The following CEACAM5 variants were observed in gnomAD, a reference collection of about 807,000 sequenced individuals.
CEACAM5 encodes the protein cell adhesion molecule CEACAM5.
Under a neutral mutation model 63.0 loss-of-function variants are expected in CEACAM5, and 52 were observed. The ratio of observed to expected loss-of-function variants is 0.83; its 90% CI spans 0.66 to 1.04. CEACAM5 has a LOEUF of 1.04. Among genes scored for constraint, CEACAM5 ranks in the 50% least tolerant of loss-of-function variants. The pLI is 0.00. For missense variants in CEACAM5, 790 were observed against 864.8 expected (o/e 0.91, Z 1.08); for synonymous variants, 357 against 351.3 (o/e 1.02, Z -0.18).
chr19:41,720,944 T>A lies in CEACAM5; in HGVS notation c.1794T>A (p.Ile598=), dbSNP rs75582708. The change falls in exon 8 of 10, where the codon ATT becomes ATA. Residue 598 remains isoleucine, a synonymous_variant. Coordinates refer to ENST00000221992, the MANE Select transcript of CEACAM5 (RefSeq NM_004363.6). ...DVLYGPDTPI[I]SPPDSSYLSG... is the part of the protein sequence containing the mutation. The stretch of plus-strand genomic sequence containing the variant: ...CAGATGGGCCGGACACCCCCATCAT[T>A]TCCCCCCCAGACTCGTCTTACCTTT... 16 of 1,613,744 alleles carry A rather than the reference T, an allele frequency of 9.9e-6. No individual in the cohort carries two copies. Among genetic ancestry groups the A allele is most frequent in the Non-Finnish European group, 1.3e-5 (15 of 1,179,954 alleles).
rs1348179233 is a variant in CEACAM5 at position 41,730,092 on chromosome 19, T to C, written c.*945T>C. Among the ~76,000 whole-genome samples the C allele has an allele frequency of 6.6e-6, 1 of 152,184 alleles. No individual in the cohort carries two copies. Among genetic ancestry groups the C allele is most frequent in the African/African-American group, 2.4e-5 (1 of 41,436 alleles). On this transcript the variant is annotated 3_prime_UTR_variant, in exon 10 of 10. Coordinates refer to ENST00000221992, the MANE Select transcript of CEACAM5 (RefSeq NM_004363.6). ...AAACTTCTAAAAGTTTAATCTGAGA[T>C]TCCTTATAAAAACTTCCAGCAAAGC...
At chr19:41,726,092 A>T (rs782583076) in intron 8 of CEACAM5, among the ~76,000 whole-genome samples, 12 of 152,264 alleles carry the variant, frequency 7.9e-5, no homozygotes, top group Non-Finnish European at 1.0e-4. Flanking sequence ...TGTTTTAAAG[A>T]TTTAATGTAA....
rs888611670 is a variant in CEACAM5 at position 41,719,970 on chromosome 19, A to C, written c.1533A>C (p.Lys511Asn). 8.1e-6 allele frequency: 13 copies of C among 1,613,954 alleles called. No homozygotes were observed. In the African/African-American group the frequency reaches 1.5e-4, roughly 18 times the overall value. Residue 511 changes from lysine (K) to asparagine (N), a missense_variant, in exon 7 of 10, where the codon AAA (lysine) becomes AAC (asparagine). Transcript: ENST00000221992. ...PKPSISSNNS[K>N]PVEDKDAVAF... ...CCTCCATCTCCAGCAACAACTCCAA[A>C]CCCGTGGAGGACAAGGATGCTGTGG...
Position 41,717,792 on chromosome 19 carries a change from G to C in CEACAM5, c.1237+59G>C. On this transcript the variant is annotated intron_variant, in intron 5 of 9. Transcript: ENST00000221992. Reference sequence around the variant, plus strand: ...GCCAGCCCAAATCCACATAGCCAAAGTCCAGGCCTCTCAGTCCCTCTCAGG... The same window carrying C: ...GCCAGCCCAAATCCACATAGCCAAACTCCAGGCCTCTCAGTCCCTCTCAGG... 2.5e-6 allele frequency: 4 copies of C among 1,587,012 alleles called. 1 individual carries two copies. The South Asian group carries it at 4.6e-5, about 18-fold the overall frequency.
intron 9 of CEACAM5, among the ~76,000 whole-genome samples, chr19:41,728,152 A>G (rs2072724780): frequency 6.6e-6 from 1 of 152,260 alleles, no homozygotes; most frequent in African/African-American, 2.4e-5. Context: ...TGTTCATAAC[A>G]GATACAGAAA....
intron 8 of CEACAM5, among the ~76,000 whole-genome samples, chr19:41,722,096 T>C (rs1192311924): frequency 6.6e-6 from 1 of 152,052 alleles, no homozygotes; most frequent in Non-Finnish European, 1.5e-5. Context: ...TGAAACAGCA[T>C]AAATATCAAT....
intron 8 of CEACAM5, among the ~76,000 whole-genome samples, chr19:41,722,707 G>A (rs2072641978): frequency 6.6e-6 from 1 of 152,130 alleles, no homozygotes; most frequent in Non-Finnish European, 1.5e-5. Context: ...TCCATTGTAT[G>A]GATACACCTC....
At chr19:41,730,456 C>T (rs1211887351), downstream of CEACAM5, among the ~76,000 whole-genome samples, 4 of 150,860 alleles carry the variant, frequency 2.7e-5, no homozygotes, top group African/African-American at 9.8e-5. Flanking sequence ...AGTCACTACT[C>T]TTGCTGCAGT....
rs556201612 is a variant in CEACAM5, at chr19:41,720,952, C to A, written c.1802C>A (p.Pro601Gln). ...YGPDTPIISP[P>Q]DSSYLSGANL... is the part of the protein sequence containing the mutation. ...CCGGACACCCCCATCATTTCCCCCC[C>A]AGACTCGTCTTACCTTTCGGGAGCG... The change falls in exon 8 of 10, where the codon CCA (proline) becomes CAA (glutamine). Residue 601 changes from proline (P) to glutamine (Q), a missense_variant. Transcript: ENST00000221992. 80 of 1,614,006 alleles carry A rather than the reference C, an allele frequency of 5.0e-5. No homozygotes were observed. Among genetic ancestry groups the A allele is most frequent in the South Asian group, 8.8e-5 (8 of 91,078 alleles).
chr19:41,715,522 C>G, intron 3 of CEACAM5, 128 bp from the exon 4 acceptor site: 1 of 1,298,002 alleles, frequency 7.7e-7, no homozygotes, highest in Non-Finnish European at 1.1e-6. Context: ...TCAGTAGATA[C>G]AAGAGGGGTT....
At position 41,729,271 on chromosome 19, in the gene CEACAM5, T is replaced by C. The variant is rs2072741478; in HGVS notation, c.*124T>C. 6.6e-6 allele frequency: 1 copy of C among 152,124 alleles called. No homozygotes were observed. Among genetic ancestry groups the C allele is most frequent in the South Asian group, 2.1e-4 (1 of 4,828 alleles). 9.4% of individuals were successfully genotyped at this position (152,124 alleles called of 1,614,324 possible). ...CCAAGGATATTTACAGAAAAGACTC[T>C]GACCAGAGATCGAGACCATCCTAGC... On this transcript the variant is annotated 3_prime_UTR_variant, in exon 10 of 10. Transcript: ENST00000221992.
chr19:41,709,692 C>A lies in CEACAM5; in HGVS notation c.77C>A (p.Thr26Asn), dbSNP rs782259884. The A allele has an allele frequency of 6.8e-6, 11 of 1,613,576 alleles. No homozygotes were observed. The highest frequency in any genetic ancestry group is 7.6e-6 in the Non-Finnish European group (9 of 1,179,758). The part of the protein sequence containing the change: ...QRLLLTASLL[T>N]FWNPPTTAKL... ...TGCTCTCTCCTAGCCTCACTTCTAA[C>A]CTTCTGGAACCCGCCCACCACTGCC... is the stretch of plus-strand genomic sequence containing the variant. The change falls in exon 2 of 10, where the codon ACC (threonine) becomes AAC (asparagine). Residue 26 changes from threonine (T) to asparagine (N), a missense_variant. Transcript: ENST00000221992.
In CEACAM5 at chr19:41,727,033, A is replaced by G. The variant is rs533237651; in HGVS notation, c.2027-201A>G. Among the ~76,000 whole-genome samples, 32 of 152,340 alleles carry G rather than the reference A, an allele frequency of 2.1e-4. 1 individual carries two copies. The highest frequency in any genetic ancestry group is 2.0e-3 in the Admixed American group (30 of 15,302). ...AGAAATAGCTGAGTGCAGACAGGCCAGGGTGGAATTGACAGAAGACTGATC... is the reference window on the plus strand; with the variant it reads ...AGAAATAGCTGAGTGCAGACAGGCCGGGGTGGAATTGACAGAAGACTGATC... On this transcript the variant is annotated intron_variant, in intron 8 of 9. Coordinates refer to ENST00000221992, the MANE Select transcript of CEACAM5 (RefSeq NM_004363.6).
At chr19:41,714,707 C>G (rs977083031) in intron 2 of CEACAM5, among the ~76,000 whole-genome samples, 1 of 152,288 alleles carries the variant, frequency 6.6e-6, no homozygotes, top group Non-Finnish European at 1.5e-5. Context: ...TGACCTCCCC[C>G]CCAGTCCTGT....
intron 8 of CEACAM5, among the ~76,000 whole-genome samples, chr19:41,725,212 C>CTATTA (rs771508478): frequency 2.2e-4 from 34 of 151,972 alleles, no homozygotes; most frequent in Non-Finnish European, 4.6e-4. Context: ...AATTATAGGC[C>CTATTA]TATTAAATTT....
At chr19:41,711,614 T>C (rs1248166468) in intron 2 of CEACAM5, among the ~76,000 whole-genome samples, 1 of 152,066 alleles carries the variant, frequency 6.6e-6, no homozygotes, top group Non-Finnish European at 1.5e-5. Context: ...TGGGAGGGTT[T>C]TCAAGGCTCC....
intron 3 of CEACAM5, 170 bp downstream of exon 3, chr19:41,715,419 C>A: frequency 2.5e-6 from 3 of 1,193,400 alleles, no homozygotes; most frequent in South Asian, 1.3e-5. Flanking sequence ...AAGTCTTGAC[C>A]AAGAATAGGA....
At chr19:41,715,628 G>A (rs1250238419) in intron 3 of CEACAM5, 22 bp from the exon 4 acceptor site, 1 of 1,613,672 alleles carries the variant, frequency 6.2e-7, no homozygotes, top group Admixed American at 1.7e-5. Context: ...TATCACCTGT[G>A]GCTTTATTTT....
Position 41,730,113 on chromosome 19 carries a change from A to C in CEACAM5, c.*966A>C, listed in dbSNP as rs193228861. Among the ~76,000 whole-genome samples the C allele has an allele frequency of 7.2e-3, 1,100 of 152,320 alleles. 7 individuals carry two copies. Among genetic ancestry groups the C allele is most frequent in the Non-Finnish European group, 0.012 (810 of 68,022 alleles). On this transcript the variant is annotated 3_prime_UTR_variant, in exon 10 of 10. Transcript: ENST00000221992. ...GAGATTCCTTATAAAAACTTCCAGC[A>C]AAGCAACTTTAAAAAAGTCTGTGTG...
Sources: allele counts gnomAD v4.1 joint callset (sites outside exome capture counted in the v4.1 genomes callset), GRCh38; gene constraint gnomAD v4.1.1; transcripts MANE v1.5; gene names NCBI Gene and HGNC (gene_info 2026-07-23, HGNC 2026-07-21).